Variants in SYTL2 observed in about 807,000 individuals in gnomAD.
SYTL2 encodes synaptotagmin-like protein 2.
In SYTL2, 165 loss-of-function variants were observed where a neutral mutation model predicts 198.7. The ratio of observed to expected loss-of-function variants is 0.83; its 90% CI spans 0.73 to 0.94. The LOEUF is 0.94. Ranked by LOEUF, SYTL2 falls within the 40% of genes least tolerant of loss-of-function variation. The pLI is 0.00. For missense variants in SYTL2, 2,835 were observed against 2,582.8 expected (o/e 1.10, Z -2.12); for synonymous variants, 966 against 917.7 (o/e 1.05, Z -0.95).
chr11:85,832,847 T>A, the SYTL2 span, among the ~76,000 whole-genome samples: 1 of 150,966 alleles, frequency 6.6e-6, no homozygotes, highest in South Asian at 2.1e-4. Context: ...AAAATTTTAA[T>A]TAGCTGGGTA....
chr11:85,711,090 A>C (rs764778907), intron 13 of SYTL2, 23 bp downstream of exon 13: 1 of 1,612,764 alleles, frequency 6.2e-7, no homozygotes, highest in South Asian at 1.1e-5. Context: ...AGAGATATTA[A>C]TATGGAGCCT....
chr11:85,719,670 G>A (rs955571292), intron 9 of SYTL2, among the ~76,000 whole-genome samples: 3 of 152,078 alleles, frequency 2.0e-5, no homozygotes, highest in Non-Finnish European at 4.4e-5. Flanking sequence ...CCTGCATTGA[G>A]GGGAGGTTAA....
chr11:85,774,991 G>GC (rs545857248), intron 1 of SYTL2, among the ~76,000 whole-genome samples: 2 of 146,770 alleles, frequency 1.4e-5, no homozygotes, highest in African/African-American at 5.0e-5. Flanking sequence ...GTGCCTTCCT[G>GC]TTTTTTTTTT....
intron 1 of SYTL2, among the ~76,000 whole-genome samples, chr11:85,776,113 AC>A (rs1213274220): frequency 1.3e-5 from 2 of 152,058 alleles, no homozygotes; most frequent in East Asian, 3.9e-4. Flanking sequence ...CAGTTCTCTC[AC>A]CCTTTGCTTC....
At chr11:85,714,587 T>A (rs2086854052) in intron 11 of SYTL2, 80 bp from the exon 12 acceptor site, 2 of 1,535,472 alleles carry the variant, frequency 1.3e-6, no homozygotes, top group Non-Finnish European at 8.8e-7. Flanking sequence ...AACATACTTT[T>A]ATTTAATCTA....
At chr11:85,783,245 G>A (rs2092589329) in intron 1 of SYTL2, among the ~76,000 whole-genome samples, 1 of 152,154 alleles carries the variant, frequency 6.6e-6, no homozygotes, top group East Asian at 1.9e-4. Flanking sequence ...GTGGCAGCAA[G>A]GAGAAGTGCC....
chr11:85,780,764 A>C (rs1362287731), intron 1 of SYTL2, among the ~76,000 whole-genome samples: 2 of 152,250 alleles, frequency 1.3e-5, no homozygotes, highest in Non-Finnish European at 2.9e-5. Context: ...AGTCAAACCC[A>C]AAAAAAGGAG....
At chr11:85,799,522 A>G (rs1440537714) in intron 1 of SYTL2, among the ~76,000 whole-genome samples, 1 of 152,218 alleles carries the variant, frequency 6.6e-6, no homozygotes, top group Admixed American at 6.5e-5. Context: ...GTCCATAAAA[A>G]GCATCCAATC....
At chr11:85,792,951 C>T (rs1311212243) in intron 1 of SYTL2, among the ~76,000 whole-genome samples, 2 of 151,542 alleles carry the variant, frequency 1.3e-5, no homozygotes, top group African/African-American at 4.9e-5. Flanking sequence ...CTACAAAGGA[C>T]ATGAACTCAT....
At chr11:85,854,860 G>C in the SYTL2 span, 4 of 152,384 alleles carry the variant, frequency 2.6e-5, no homozygotes, top group Admixed American at 6.5e-5. Context: ...CCAACTTCCA[G>C]GCTTGCGACT....
chr11:85,733,345 C>T (rs1452824329), intron 7 of SYTL2, among the ~76,000 whole-genome samples: 1 of 152,100 alleles, frequency 6.6e-6, no homozygotes, highest in African/African-American at 2.4e-5. Flanking sequence ...TAACTAAAAA[C>T]ATTGTCATTT....
chr11:85,802,839 A>C (rs2092910465), intron 1 of SYTL2, among the ~76,000 whole-genome samples: 1 of 152,198 alleles, frequency 6.6e-6, no homozygotes, highest in Non-Finnish European at 1.5e-5. Context: ...AGAAACTCAA[A>C]AGCTGCTAAC....
intron 1 of SYTL2, among the ~76,000 whole-genome samples, chr11:85,782,825 C>T (rs900122711): frequency 2.0e-5 from 3 of 152,226 alleles, no homozygotes; most frequent in African/African-American, 7.2e-5. Context: ...AGCTTTGCTC[C>T]AGTTCCCAAC....
intron 6 of SYTL2, among the ~76,000 whole-genome samples, chr11:85,735,818 A>G (rs1379193581): frequency 6.6e-6 from 1 of 152,112 alleles, no homozygotes. Context: ...TTTCTTCTAC[A>G]AAATATTTTA....
Position 85,704,971 on chromosome 11 carries a change from G to A in SYTL2, c.6076C>T (p.Arg2026Trp), listed in dbSNP as rs769730856. The change falls in exon 16 of 20, where the codon CGG becomes TGG. Residue 2026 changes from arginine (R) to tryptophan (W), a missense_variant. By Grantham distance (101) the Arg-to-Trp change is moderately radical (BLOSUM62 -3). Transcript: ENST00000359152. ...AAACTATTGCGCTTAAATGTATCCCGATGCCAAATGGACAGGTTCAATTTC... is the reference window on the plus strand; with the variant it reads ...AAACTATTGCGCTTAAATGTATCCCAATGCCAAATGGACAGGTTCAATTTC... Reference protein sequence around the residue: ...TQKLNLSIWHRDTFKRNSFLG... With the variant: ...TQKLNLSIWHWDTFKRNSFLG... 26 of 1,613,152 alleles carry A rather than the reference G, an allele frequency of 1.6e-5. No individual in the cohort carries two copies. The highest frequency in any genetic ancestry group is 8.9e-5 in the East Asian group (4 of 44,866).
chr11:85,851,077 G>A, the SYTL2 span, among the ~76,000 whole-genome samples: 6 of 151,538 alleles, frequency 4.0e-5, no homozygotes, highest in East Asian at 1.2e-3. Context: ...CCTAATGCTA[G>A]ATGACGAGTT....
intron 1 of SYTL2, among the ~76,000 whole-genome samples, chr11:85,765,129 C>G (rs530379072): frequency 6.6e-6 from 1 of 152,148 alleles, no homozygotes; most frequent in Admixed American, 6.5e-5. Context: ...TTCAAGGTAG[C>G]CTCTTAAAAA....
At chr11:85,731,264 T>C (rs1225443529) in intron 7 of SYTL2, among the ~76,000 whole-genome samples, 2 of 150,090 alleles carry the variant, frequency 1.3e-5, no homozygotes, top group Non-Finnish European at 3.0e-5. Flanking sequence ...AAAAAAGAGG[T>C]TGCATAGCCA....
the SYTL2 span, among the ~76,000 whole-genome samples, chr11:85,849,526 A>C: frequency 1.3e-5 from 2 of 152,344 alleles, no homozygotes; most frequent in East Asian, 3.9e-4. Flanking sequence ...CAGTTTTCCC[A>C]GCACCATTAA....
Sources: allele counts gnomAD v4.1 joint callset (sites outside exome capture counted in the v4.1 genomes callset), GRCh38; gene constraint gnomAD v4.1.1; transcripts MANE v1.5; gene names NCBI Gene and HGNC (gene_info 2026-07-23, HGNC 2026-07-21).